The following ZCCHC10 variants were observed in gnomAD, a reference collection of about 807,000 sequenced individuals.
ZCCHC10 encodes the protein zinc finger CCHC-type containing 10.
ZCCHC10 carries 16 observed loss-of-function variants against 19.5 expected under a neutral mutation model. The observed-to-expected ratio is 0.82, with a 90% CI of 0.56 to 1.25. ZCCHC10 has a LOEUF of 1.25. Ranked by LOEUF, ZCCHC10 falls within the 50% of genes most tolerant of loss-of-function variation. The pLI, the probability that ZCCHC10 is intolerant of heterozygous loss-of-function variation, is 0.00. For synonymous variants in ZCCHC10, 67 were observed against 72.5 expected (o/e 0.92, Z 0.38); for missense variants, 197 against 201.0 (o/e 0.98, Z 0.12).
rs781774064 is a variant in ZCCHC10, at chr5:132,998,768, T to C, written c.394A>G (p.Thr132Ala). 9 of 1,614,074 alleles carry C rather than the reference T, an allele frequency of 5.6e-6. No individual in the cohort carries two copies. The highest frequency in any genetic ancestry group is 7.6e-6 in the Non-Finnish European group (9 of 1,180,046). Residue 132 changes from threonine to alanine, a missense_variant, in exon 5 of 5, where the codon ACC (threonine) becomes GCC (alanine). By Grantham distance (58) the Thr-to-Ala change is moderately conservative. Transcript: ENST00000509437. ...TCACTGTCCTCTGAGGAGGAAGAGG[T>C]AGATGTTTCTTCACTCTCTGATGAA... ...DSSSESEETS[T>A]SSSSEDSDTD...
At chr5:133,018,219 T>G (rs1445514732) in intron 2 of ZCCHC10, among the ~76,000 whole-genome samples, 1 of 151,622 alleles carries the variant, frequency 6.6e-6, no homozygotes, top group East Asian at 1.9e-4. Context: ...GGTGTGTTGG[T>G]TCACACCTGC....
At chr5:133,001,310 G>A (rs1217369663) in intron 3 of ZCCHC10, among the ~76,000 whole-genome samples, 1 of 151,886 alleles carries the variant, frequency 6.6e-6, no homozygotes, top group Admixed American at 6.6e-5. Context: ...AGAATCTCTT[G>A]AACCTGGGAG....
chr5:133,009,798 C>A lies in ZCCHC10; in HGVS notation c.108-2878G>T, dbSNP rs891265902. On this transcript the variant is annotated intron_variant, in intron 2 of 4. Transcript: ENST00000509437. Reference sequence around the variant, plus strand: ...CGAAGGGCTATACCCTACAAATAAACCCAAGTTCTTAGAAACTTCAGCCAA... The same window carrying A: ...CGAAGGGCTATACCCTACAAATAAAACCAAGTTCTTAGAAACTTCAGCCAA... Among the ~76,000 whole-genome samples, 11 of 151,852 alleles carry A rather than the reference C, an allele frequency of 7.2e-5. No individual in the cohort carries two copies. The South Asian group carries it at 8.3e-4, about 11-fold the overall frequency.
chr5:133,003,995 C>A (rs1413693441), intron 3 of ZCCHC10, among the ~76,000 whole-genome samples: 3 of 152,130 alleles, frequency 2.0e-5, no homozygotes, highest in Non-Finnish European at 4.4e-5. Flanking sequence ...CAGGCATGAA[C>A]CACTGTGCCC....
At chr5:132,998,918 T>C in intron 4 of ZCCHC10, 68 bp from the exon 5 acceptor site, 1 of 1,465,468 alleles carries the variant, frequency 6.8e-7, no homozygotes, top group Non-Finnish European at 9.2e-7. Flanking sequence ...AGCAATTTCA[T>C]TTTTTTTTTC....
chr5:133,010,859 T>G (rs574748343), intron 2 of ZCCHC10, among the ~76,000 whole-genome samples: 2 of 151,990 alleles, frequency 1.3e-5, no homozygotes, highest in Non-Finnish European at 2.9e-5. Context: ...TGGCGCAATC[T>G]CAGGTCACTG....
chr5:132,998,569 T>A lies in ZCCHC10; in HGVS notation c.*14A>T. 1.2e-6 allele frequency: 2 copies of A among 1,607,770 alleles called. No individual in the cohort carries two copies. The highest frequency in any genetic ancestry group is 1.7e-5 in the Admixed American group (1 of 59,924). On this transcript the variant is annotated 3_prime_UTR_variant, in exon 5 of 5. Coordinates refer to ENST00000509437, the MANE Select transcript of ZCCHC10 (RefSeq NM_001300816.3). ...ATGTTTTCAGTCCATCAGTCCAATA[T>A]GAATGGAGCAACTCTATTTCTTTTT...
chr5:133,000,017 G>A, intron 4 of ZCCHC10, 115 bp downstream of exon 4: 3 of 1,199,746 alleles, frequency 2.5e-6, no homozygotes, highest in Non-Finnish European at 3.5e-6. Context: ...CAAAGTGCTG[G>A]GATTATAGGC....
At chr5:133,003,107 C>T in intron 3 of ZCCHC10, 1 of 289,354 alleles carries the variant, frequency 3.5e-6, no homozygotes, top group Admixed American at 3.7e-5. Flanking sequence ...TTGGAGGCTT[C>T]TGCTGCAAAC....
intron 2 of ZCCHC10, among the ~76,000 whole-genome samples, chr5:133,008,022 G>A (rs536368555): frequency 5.3e-5 from 8 of 151,798 alleles, no homozygotes; most frequent in African/African-American, 1.7e-4. Flanking sequence ...TCAGGAGATC[G>A]AGACCATCCT....
chr5:133,018,753 T>C (rs1456532796), intron 2 of ZCCHC10, among the ~76,000 whole-genome samples: 3 of 152,162 alleles, frequency 2.0e-5, no homozygotes, highest in African/African-American at 2.4e-5. Context: ...TACTGTAAGT[T>C]TCCTATGACT....
chr5:133,018,804 G>A (rs1250595788), intron 2 of ZCCHC10, among the ~76,000 whole-genome samples: 1 of 152,170 alleles, frequency 6.6e-6, no homozygotes, highest in African/African-American at 2.4e-5. Flanking sequence ...GAAAGAAGCA[G>A]GCCCTCATAG....
intron 4 of ZCCHC10, 144 bp from the exon 5 acceptor site, chr5:132,998,994 C>T: frequency 9.2e-7 from 1 of 1,089,344 alleles, no homozygotes; most frequent in South Asian, 1.7e-5. Flanking sequence ...CAGCTCACTG[C>T]AACCTCTGCC....
At chr5:133,021,587 T>C (rs1317964415) in intron 2 of ZCCHC10, among the ~76,000 whole-genome samples, 1 of 152,116 alleles carries the variant, frequency 6.6e-6, no homozygotes, top group Non-Finnish European at 1.5e-5. Flanking sequence ...TTAAAATTTA[T>C]CTGGAAATAC....
At chr5:133,018,031 A>G (rs1352311653) in intron 2 of ZCCHC10, among the ~76,000 whole-genome samples, 1 of 151,882 alleles carries the variant, frequency 6.6e-6, no homozygotes, top group Non-Finnish European at 1.5e-5. Context: ...TGTAGTCCCA[A>G]CTGCGTGGGA....
chr5:133,009,280 G>T (rs1390029581), intron 2 of ZCCHC10, among the ~76,000 whole-genome samples: 4 of 151,912 alleles, frequency 2.6e-5, no homozygotes, highest in African/African-American at 9.7e-5. Flanking sequence ...TGGGATTACG[G>T]GCATGAGCCA....
chr5:133,010,607 G>A (rs567574614), intron 2 of ZCCHC10, among the ~76,000 whole-genome samples: 9 of 151,952 alleles, frequency 5.9e-5, no homozygotes, highest in South Asian at 2.1e-4. Context: ...ATATAAAGAC[G>A]AATTGAGTTT....
intron 4 of ZCCHC10, among the ~76,000 whole-genome samples, chr5:132,999,496 C>T (rs774035108): frequency 5.3e-5 from 8 of 152,128 alleles, no homozygotes; most frequent in Non-Finnish European, 1.2e-4. Flanking sequence ...GTGACTGTTT[C>T]ATCATCTTTA....
chr5:133,002,523 T>C (rs1554082264), intron 3 of ZCCHC10, among the ~76,000 whole-genome samples: 2 of 152,140 alleles, frequency 1.3e-5, no homozygotes, highest in East Asian at 1.9e-4. Flanking sequence ...TCATAACCCG[T>C]ATTTCATTCT....
Sources: allele counts gnomAD v4.1 joint callset (sites outside exome capture counted in the v4.1 genomes callset), GRCh38; gene constraint gnomAD v4.1.1; transcripts MANE v1.5; gene names NCBI Gene and HGNC (gene_info 2026-07-23, HGNC 2026-07-21).